MYOZ2: variants seen among roughly 807,000 people sequenced by gnomAD.
The protein encoded by MYOZ2 is myozenin 2.
MYOZ2 carries 19 observed loss-of-function variants against 25.4 expected under a neutral mutation model. That is an observed-to-expected ratio of 0.75 (90% CI 0.52 to 1.10). The LOEUF (loss-of-function observed/expected upper bound fraction) is 1.10. Among genes scored for constraint, MYOZ2 ranks in the 50% least tolerant of loss-of-function variants. The probability of loss-of-function intolerance (pLI) is 0.00; values close to 1 mark genes in which losing one functional copy is unlikely to be tolerated. For missense variants in MYOZ2, 270 were observed against 317.9 expected, an observed-to-expected ratio of 0.85 and a Z score of 1.15; for synonymous variants, 92 against 106.9, an observed-to-expected ratio of 0.86 and a Z score of 0.86.
chr4:119,158,157 C>A lies in MYOZ2; in HGVS notation c.376+6C>A. 1 of 1,614,028 alleles carries A rather than the reference C, an allele frequency of 6.2e-7. No individual in the cohort carries two copies. The highest frequency in any genetic ancestry group is 8.5e-7 in the Non-Finnish European group (1 of 1,179,926). ...TCCAGACAACATTGCTCCAGGTAAC[C>A]AATCCCCTTACCAACAGAGCAATAA... On this transcript the variant is annotated splice_donor_region_variant and intron_variant, in intron 4 of 5. Transcript: ENST00000307128.
intron 5 of MYOZ2, among the ~76,000 whole-genome samples, chr4:119,183,439 G>T (rs1742228616): frequency 6.6e-6 from 1 of 151,930 alleles, no homozygotes; most frequent in Non-Finnish European, 1.5e-5. Flanking sequence ...AAAAGAGTAT[G>T]ATTAGAGGCA....
chr4:119,158,651 T>G (rs1318025646), intron 4 of MYOZ2, among the ~76,000 whole-genome samples: 1 of 152,198 alleles, frequency 6.6e-6, no homozygotes, highest in Non-Finnish European at 1.5e-5. Context: ...ATACGTTCTT[T>G]GTTTTAGATG....
chr4:119,163,788 A>AT (rs57682897), intron 4 of MYOZ2, among the ~76,000 whole-genome samples: 35,899 of 152,008 alleles, frequency 0.24, 4,322 homozygotes, highest in Middle Eastern at 0.28. Flanking sequence ...GAGGAGGGAG[A>AT]TTTTGTCTGC....
intron 2 of MYOZ2, among the ~76,000 whole-genome samples, chr4:119,146,984 T>C (rs1212200642): frequency 6.6e-6 from 1 of 152,194 alleles, no homozygotes; most frequent in Non-Finnish European, 1.5e-5. Flanking sequence ...CTGTTTCTGG[T>C]AATCTTTGTT....
At chr4:119,175,414 T>A (rs773727109) in intron 5 of MYOZ2, among the ~76,000 whole-genome samples, 1 of 152,188 alleles carries the variant, frequency 6.6e-6, no homozygotes, top group Non-Finnish European at 1.5e-5. Context: ...TTTGCTTAAA[T>A]CTAGAAATGT....
chr4:119,152,854 G>C (rs926142094), intron 3 of MYOZ2, among the ~76,000 whole-genome samples: 1 of 152,078 alleles, frequency 6.6e-6, no homozygotes, highest in Non-Finnish European at 1.5e-5. Context: ...AATAAGGAAA[G>C]TAGTATTCAA....
chr4:119,162,653 TG>T (rs1301234031), intron 4 of MYOZ2, among the ~76,000 whole-genome samples: 2 of 152,336 alleles, frequency 1.3e-5, no homozygotes, highest in Non-Finnish European at 2.9e-5. Flanking sequence ...GCCAGACTCC[TG>T]GAGGGAGGAT....
At chr4:119,139,061 C>T (rs931574864) in intron 2 of MYOZ2, among the ~76,000 whole-genome samples, 4 of 152,158 alleles carry the variant, frequency 2.6e-5, no homozygotes, top group African/African-American at 9.7e-5. Context: ...AACTCCCAGC[C>T]TCCACTAATC....
Position 119,172,295 on chromosome 4 carries a change from C to T in MYOZ2, c.560+7901C>T, listed in dbSNP as rs1578742874. Among the ~76,000 whole-genome samples the T allele has an allele frequency of 3.9e-5, 6 of 152,300 alleles. No homozygotes were observed. In the South Asian group the frequency reaches 1.2e-3, roughly 32 times the overall value. On this transcript the variant is annotated intron_variant, in intron 5 of 5. Transcript: ENST00000307128. ...TAGAGTTTAATTCACGCAGAGCTGG[C>T]TGCATGACGGGAGACCAGAGTTTTA...
chr4:119,146,830 A>G (rs922121682), intron 2 of MYOZ2, among the ~76,000 whole-genome samples: 5 of 152,200 alleles, frequency 3.3e-5, no homozygotes, highest in African/African-American at 1.2e-4. Context: ...GTTTCCAACT[A>G]TAATTGTAGA....
At chr4:119,174,340 A>G (rs1046067396) in intron 5 of MYOZ2, among the ~76,000 whole-genome samples, 1 of 151,584 alleles carries the variant, frequency 6.6e-6, no homozygotes, top group Non-Finnish European at 1.5e-5. Flanking sequence ...CAAGGTTTGT[A>G]AACACACCAG....
chr4:119,148,442 C>T (rs1300064006), intron 2 of MYOZ2, among the ~76,000 whole-genome samples: 3 of 152,028 alleles, frequency 2.0e-5, no homozygotes, highest in Non-Finnish European at 4.4e-5. Context: ...TTCCAGCCTC[C>T]CCTTATTTTT....
chr4:119,160,891 C>G (rs1028441996), intron 4 of MYOZ2, among the ~76,000 whole-genome samples: 2 of 150,992 alleles, frequency 1.3e-5, no homozygotes, highest in Non-Finnish European at 3.0e-5. Flanking sequence ...CTCCTTCTAG[C>G]TATCTGAACT....
At chr4:119,158,325 G>A (rs554710330) in intron 4 of MYOZ2, among the ~76,000 whole-genome samples, 174 bp downstream of exon 4, 9 of 152,270 alleles carry the variant, frequency 5.9e-5, no homozygotes, top group African/African-American at 1.7e-4. Context: ...GGAGACTGAG[G>A]TGGGTGGATC....
intron 5 of MYOZ2, among the ~76,000 whole-genome samples, chr4:119,167,422 A>T (rs1338464572): frequency 6.6e-6 from 1 of 152,244 alleles, no homozygotes; most frequent in African/African-American, 2.4e-5. Context: ...TTGTTGGTTC[A>T]TGAAGGCTGA....
At chr4:119,169,664 T>C (rs1741906820) in intron 5 of MYOZ2, among the ~76,000 whole-genome samples, 1 of 152,168 alleles carries the variant, frequency 6.6e-6, no homozygotes, top group Admixed American at 6.6e-5. Flanking sequence ...AAAAGCTGAG[T>C]AAACCTTTTG....
intron 2 of MYOZ2, among the ~76,000 whole-genome samples, chr4:119,141,420 T>C (rs1040094270): frequency 6.6e-6 from 1 of 152,208 alleles, no homozygotes; most frequent in African/African-American, 2.4e-5. Flanking sequence ...TCTTGCTCTG[T>C]TGCCCAGGCT....
chr4:119,138,195 G>A (rs1009664496), intron 2 of MYOZ2, among the ~76,000 whole-genome samples: 1 of 152,038 alleles, frequency 6.6e-6, no homozygotes, highest in South Asian at 2.1e-4. Flanking sequence ...TCCTAGCCAC[G>A]TAAAGTCAGC....
chr4:119,139,241 A>G (rs568888630), intron 2 of MYOZ2, among the ~76,000 whole-genome samples: 2 of 152,272 alleles, frequency 1.3e-5, no homozygotes, highest in East Asian at 1.9e-4. Flanking sequence ...TATGATTACC[A>G]TCATCATCAC....
Sources: gnomAD v4.1 joint callset for allele counts (sites outside exome capture counted in the v4.1 genomes callset) on GRCh38, gnomAD v4.1.1 for gene constraint, MANE v1.5 for transcripts, NCBI Gene and HGNC (gene_info 2026-07-23, HGNC 2026-07-21) for gene names.